Variants in HPSE2 observed in about 807,000 individuals in gnomAD.
HPSE2 encodes heparanase 2 (inactive).
Under a neutral mutation model 60.5 loss-of-function variants are expected in HPSE2, and 38 were observed. The observed-to-expected ratio is 0.63, with a 90% CI of 0.48 to 0.82. The LOEUF (loss-of-function observed/expected upper bound fraction) is 0.82, where lower values mean the gene tolerates loss of function less well. Among genes scored for constraint, HPSE2 ranks in the 40% least tolerant of loss-of-function variants. The pLI is 0.00. For synonymous variants in HPSE2, 295 were observed against 293.2 expected (o/e 1.01, Z -0.06); for missense variants, 713 against 740.4 (o/e 0.96, Z 0.43).
chr10:99,159,812 G>A (rs1112537), intron 2 of HPSE2, among the ~76,000 whole-genome samples: 156 of 152,048 alleles, frequency 1.0e-3, no homozygotes, highest in African/African-American at 3.6e-3. Flanking sequence ...ATAATAAATC[G>A]AACTTCATCA....
chr10:99,182,700 G>T (rs975927128), intron 2 of HPSE2, among the ~76,000 whole-genome samples: 3 of 151,888 alleles, frequency 2.0e-5, no homozygotes, highest in African/African-American at 7.3e-5. Flanking sequence ...ATCCTATCTT[G>T]GAAACCTAAA....
chr10:99,051,628 T>C (rs958145172), intron 3 of HPSE2, among the ~76,000 whole-genome samples: 1 of 152,166 alleles, frequency 6.6e-6, no homozygotes, highest in Admixed American at 6.5e-5. Flanking sequence ...ACTTCCAAAC[T>C]GTGAGACTCC....
chr10:99,012,704 T>C (rs1957045019), intron 3 of HPSE2, among the ~76,000 whole-genome samples: 1 of 152,160 alleles, frequency 6.6e-6, no homozygotes, highest in Non-Finnish European at 1.5e-5. Context: ...TACTGGAAAC[T>C]GAATATCTGT....
At chr10:98,657,011 T>C (rs1400352285) in intron 6 of HPSE2, among the ~76,000 whole-genome samples, 2 of 151,930 alleles carry the variant, frequency 1.3e-5, no homozygotes, top group Non-Finnish European at 2.9e-5. Context: ...GATCCACCCA[T>C]CTTGGCTTCC....
intron 3 of HPSE2, among the ~76,000 whole-genome samples, chr10:98,793,127 G>T (rs80355383): frequency 0.014 from 2,139 of 152,278 alleles, 47 homozygotes; most frequent in African/African-American, 0.048. Context: ...CTATTGCTCT[G>T]TTAAACAGTC....
At chr10:98,526,582 A>G (rs1426494087) in intron 9 of HPSE2, among the ~76,000 whole-genome samples, 1 of 152,218 alleles carries the variant, frequency 6.6e-6, no homozygotes, top group Non-Finnish European at 1.5e-5. Flanking sequence ...GACTTTAGAA[A>G]TAAATACAGA....
intron 3 of HPSE2, among the ~76,000 whole-genome samples, chr10:98,816,916 A>G (rs1043538575): frequency 1.3e-5 from 2 of 152,188 alleles, no homozygotes; most frequent in Admixed American, 6.5e-5. Context: ...TTATGTCAGA[A>G]GCAGGACCTG....
chr10:99,140,448 T>C (rs1291209696), intron 3 of HPSE2, among the ~76,000 whole-genome samples: 1 of 151,854 alleles, frequency 6.6e-6, no homozygotes, highest in East Asian at 1.9e-4. Context: ...ACAACACAAA[T>C]AAATTTTTAG....
chr10:99,178,378 C>T (rs932433489), intron 2 of HPSE2, among the ~76,000 whole-genome samples: 3 of 151,668 alleles, frequency 2.0e-5, no homozygotes, highest in African/African-American at 7.3e-5. Context: ...ACTAGCCAGA[C>T]TAATAAAGAA....
At chr10:98,776,305 G>C (rs1381836304) in intron 3 of HPSE2, among the ~76,000 whole-genome samples, 2 of 151,584 alleles carry the variant, frequency 1.3e-5, no homozygotes, top group African/African-American at 4.8e-5. Flanking sequence ...AATTCAGCTG[G>C]GTGTGGTGGC....
intron 9 of HPSE2, among the ~76,000 whole-genome samples, chr10:98,543,133 G>A: frequency 6.6e-6 from 1 of 152,146 alleles, no homozygotes; most frequent in East Asian, 1.9e-4. Flanking sequence ...GGATCTCTTG[G>A]CAGAAACTCT....
intron 3 of HPSE2, among the ~76,000 whole-genome samples, chr10:98,913,308 A>G (rs905426400): frequency 6.6e-6 from 1 of 152,216 alleles, no homozygotes; most frequent in Non-Finnish European, 1.5e-5. Context: ...GGAGATGATT[A>G]AAGTCACTGT....
chr10:98,699,981 T>G (rs1185245551), intron 5 of HPSE2, among the ~76,000 whole-genome samples: 8 of 150,162 alleles, frequency 5.3e-5, no homozygotes, highest in Non-Finnish European at 1.0e-4. Context: ...CACTGCTCAG[T>G]GAAATAAAAG....
chr10:98,576,844 C>T lies in HPSE2; in HGVS notation c.1320+38060G>A, dbSNP rs148115870. ...TTGGATTTTCAATTGCTAATTAGCC[C>T]TCCTTTTTTTATTGTTTTTCTTTAA... On this transcript the variant is annotated intron_variant, in intron 9 of 11. Transcript: ENST00000370552. Among the ~76,000 whole-genome samples, 24 of 152,010 alleles carry T rather than the reference C, an allele frequency of 1.6e-4. 1 individual carries two copies. In the East Asian group the frequency reaches 4.6e-3, roughly 29 times the overall value.
At chr10:98,561,040 A>C (rs928670194) in intron 9 of HPSE2, among the ~76,000 whole-genome samples, 1 of 152,216 alleles carries the variant, frequency 6.6e-6, no homozygotes, top group Non-Finnish European at 1.5e-5. Flanking sequence ...CCTCAGGCAG[A>C]TCCTCCAGGA....
chr10:98,927,449 G>C (rs1168355380), intron 3 of HPSE2, among the ~76,000 whole-genome samples: 1 of 149,930 alleles, frequency 6.7e-6, no homozygotes, highest in East Asian at 1.9e-4. Context: ...TCCCCATCAA[G>C]CTACCAATGA....
chr10:98,592,203 C>A (rs1164024046), intron 9 of HPSE2, among the ~76,000 whole-genome samples: 2 of 152,194 alleles, frequency 1.3e-5, no homozygotes, highest in Non-Finnish European at 2.9e-5. Flanking sequence ...ACCTTTTCTA[C>A]ACCAGGTAAA....
intron 3 of HPSE2, among the ~76,000 whole-genome samples, chr10:99,143,907 G>A (rs187430051): frequency 1.3e-5 from 2 of 152,104 alleles, no homozygotes; most frequent in Admixed American, 1.3e-4. Context: ...CATAGAAAGG[G>A]CATACACAGA....
intron 3 of HPSE2, among the ~76,000 whole-genome samples, chr10:98,931,282 T>C (rs1954634010): frequency 7.0e-6 from 1 of 143,850 alleles, no homozygotes; most frequent in Non-Finnish European, 1.5e-5. Context: ...TAGCTGTAGA[T>C]GGGCAGTTTT....
Sources: allele counts gnomAD v4.1 joint callset (sites outside exome capture counted in the v4.1 genomes callset), GRCh38; gene constraint gnomAD v4.1.1; transcripts MANE v1.5; gene names NCBI Gene and HGNC (gene_info 2026-07-23, HGNC 2026-07-21).